CDC123: variants seen among roughly 807,000 people sequenced by gnomAD.
CDC123 encodes the protein translation initiation factor eIF2 assembly protein.
In CDC123, 37 loss-of-function variants were observed where a neutral mutation model predicts 54.4. The observed-to-expected ratio is 0.68, with a 90% confidence interval of 0.52 to 0.89. The LOEUF is 0.89. Among genes scored for constraint, CDC123 ranks in the 40% least tolerant of loss-of-function variants. The pLI is 0.00. For missense variants in CDC123, 361 were observed against 412.1 expected, an observed-to-expected ratio of 0.88 and a Z score of 1.07; for synonymous variants, 144 against 136.8, an observed-to-expected ratio of 1.05 and a Z score of -0.37.
intron 3 of CDC123, 112 bp from the exon 4 acceptor site, chr10:12,210,178 C>T: frequency 6.8e-7 from 1 of 1,460,992 alleles, no homozygotes; most frequent in Non-Finnish European, 9.4e-7. Flanking sequence ...ATGCTGTATT[C>T]CGGAAAAGAT....
intron 6 of CDC123, among the ~76,000 whole-genome samples, chr10:12,230,578 G>A (rs147106399): frequency 0.017 from 2,551 of 152,264 alleles, 40 homozygotes; most frequent in Non-Finnish European, 0.021. Context: ...ACTCAAACAT[G>A]TATCCATCCT....
chr10:12,229,622 G>T (rs193186067), intron 6 of CDC123, among the ~76,000 whole-genome samples: 2 of 152,310 alleles, frequency 1.3e-5, no homozygotes, highest in East Asian at 3.9e-4. Context: ...TTTTTCTCTA[G>T]TGTTTTTAAA....
At chr10:12,208,833 G>A (rs935018482) in intron 2 of CDC123, among the ~76,000 whole-genome samples, 3 of 152,100 alleles carry the variant, frequency 2.0e-5, no homozygotes, top group African/African-American at 7.2e-5. Flanking sequence ...TGCACACCTC[G>A]CTTTGCTTCT....
intron 7 of CDC123, among the ~76,000 whole-genome samples, chr10:12,231,246 C>T (rs1434221960): frequency 6.6e-6 from 1 of 152,172 alleles, no homozygotes; most frequent in Non-Finnish European, 1.5e-5. Flanking sequence ...ATAGAACAAA[C>T]ACCTTTATAC....
At chr10:12,235,433 A>G (rs1057300978) in intron 8 of CDC123, among the ~76,000 whole-genome samples, 3 of 152,210 alleles carry the variant, frequency 2.0e-5, no homozygotes, top group African/African-American at 7.2e-5. Context: ...GAATTTTCCT[A>G]AGCAGTACTT....
chr10:12,221,380 A>G (rs1021595026), intron 6 of CDC123, among the ~76,000 whole-genome samples: 2 of 152,200 alleles, frequency 1.3e-5, no homozygotes, highest in Admixed American at 6.5e-5. Flanking sequence ...TACAGTTCCA[A>G]GTATCTGTCA....
rs770187853 is a variant in CDC123 at position 12,250,454 on chromosome 10, C to T, written c.*117C>T. On this transcript the variant is annotated 3_prime_UTR_variant, in exon 13 of 13. Coordinates refer to ENST00000281141, the MANE Select transcript of CDC123 (RefSeq NM_006023.3). ...TGGGCCGAGCAGTGTGGACATCAGC[C>T]ACTTTTTATATTCATGTACATTCAC... The T allele has an allele frequency of 1.3e-5, 10 of 793,558 alleles. No homozygotes were observed. The highest frequency in any genetic ancestry group is 7.5e-5 in the East Asian group (3 of 40,254). 49.2% of individuals were successfully genotyped at this position (793,558 alleles called of 1,614,324 possible). A position where few individuals can be genotyped will look rare whatever the true frequency, so the allele number is the denominator to read the frequency against.
chr10:12,239,189 A>G (rs1258533781), intron 10 of CDC123, among the ~76,000 whole-genome samples: 5 of 151,758 alleles, frequency 3.3e-5, no homozygotes, highest in African/African-American at 7.3e-5. Context: ...CACATCAACT[A>G]AGGTGATTGA....
intron 10 of CDC123, among the ~76,000 whole-genome samples, chr10:12,240,064 A>G (rs1219818328): frequency 1.3e-5 from 2 of 152,070 alleles, no homozygotes; most frequent in African/African-American, 4.8e-5. Context: ...AAGTGACTCA[A>G]AGTTTGAGTT....
At chr10:12,249,325 C>G (rs1836206238) in intron 11 of CDC123, among the ~76,000 whole-genome samples, 1 of 152,116 alleles carries the variant, frequency 6.6e-6, no homozygotes, top group South Asian at 2.1e-4. Flanking sequence ...ATAGTCCCAG[C>G]TACTTGGGAG....
intron 6 of CDC123, 130 bp from the exon 7 acceptor site, chr10:12,230,818 T>C: frequency 3.6e-6 from 3 of 823,798 alleles, no homozygotes; most frequent in Non-Finnish European, 5.9e-6. Context: ...GTTCGTCGAA[T>C]TTGAGTTAGT....
At chr10:12,249,026 A>G (rs139771528) in intron 11 of CDC123, among the ~76,000 whole-genome samples, 4,510 of 151,274 alleles carry the variant, frequency 0.03, 185 homozygotes, top group South Asian at 0.098. Flanking sequence ...TGGGAGAATC[A>G]CTTGAACCTG....
In CDC123 at chr10:12,215,752, C is replaced by T. The variant is rs938691051; in HGVS notation, c.250C>T (p.Pro84Ser). 28 of 1,608,932 alleles carry T rather than the reference C, an allele frequency of 1.7e-5. No homozygotes were observed. The highest frequency in any genetic ancestry group is 3.4e-5 in the Admixed American group (2 of 59,034). Residue 84 changes from proline to serine, a missense_variant, in exon 5 of 13, where the codon CCT becomes TCT. Physicochemically the swap from Pro to Ser is moderately conservative, Grantham distance 74. Transcript: ENST00000281141. ...NTATLTAPEF[P>S]EFATKVQEAI... Reference sequence around the variant, plus strand: ...TCTCTCTCTGTAGGCACCAGAATTTCCTGAGTTTGCCACTAAAGTCCAGGA... The same window carrying T: ...TCTCTCTCTGTAGGCACCAGAATTTTCTGAGTTTGCCACTAAAGTCCAGGA...
chr10:12,218,247 C>CTTTTTTTTTTTT (rs34125393), intron 6 of CDC123, among the ~76,000 whole-genome samples: 9 of 119,212 alleles, frequency 7.5e-5, no homozygotes, highest in Admixed American at 9.1e-5. Context: ...CTTTTTTTTT[C>CTTTTTTTTTTTT]TTTTTTTTTT....
At chr10:12,240,431 C>T (rs536842668) in intron 10 of CDC123, among the ~76,000 whole-genome samples, 2 of 152,304 alleles carry the variant, frequency 1.3e-5, no homozygotes, top group African/African-American at 2.4e-5. Context: ...TGGACATCTT[C>T]GAATCATCTT....
At chr10:12,239,989 C>T (rs1006562928) in intron 10 of CDC123, among the ~76,000 whole-genome samples, 5 of 129,830 alleles carry the variant, frequency 3.9e-5, no homozygotes, top group African/African-American at 1.5e-4. Context: ...GCCTGGGCTA[C>T]AGAGCGAGAC....
Position 12,246,237 on chromosome 10 carries a change from A to G in CDC123, c.806A>G (p.Asn269Ser), listed in dbSNP as rs200396218. The change falls in exon 11 of 13, where the codon AAC becomes AGC. Residue 269 changes from asparagine (N) to serine (S), a missense_variant. Coordinates refer to ENST00000281141, the MANE Select transcript of CDC123 (RefSeq NM_006023.3). Reference sequence around the variant, plus strand: ...TGGGAAGAACTGATATCTGAGAACAACTTAAACGGCGATTTTAGTGAAGTT... The same window carrying G: ...TGGGAAGAACTGATATCTGAGAACAGCTTAAACGGCGATTTTAGTGAAGTT... ...FTWEELISEN[N>S]LNGDFSEVDA... 420 of 1,614,186 alleles carry G rather than the reference A, an allele frequency of 2.6e-4. 5 individuals carry two copies. The South Asian group carries it at 4.0e-3, about 15-fold the overall frequency.
Position 12,229,500 on chromosome 10 carries a change from C to T in CDC123, c.441-1448C>T, listed in dbSNP as rs906734847. ...GCTCTGTGAGATCTCTCACTGCCCT[C>T]CCTGCCTTAGCACGTTTCTCCGTGC... On this transcript the variant is annotated intron_variant, in intron 6 of 12. Transcript: ENST00000281141. Among the ~76,000 whole-genome samples, 14 of 152,346 alleles carry T rather than the reference C, an allele frequency of 9.2e-5. No individual in the cohort carries two copies. The South Asian group carries it at 2.9e-3, about 32-fold the overall frequency.
At chr10:12,225,746 C>CTTTTTTT (rs60404885) in intron 6 of CDC123, among the ~76,000 whole-genome samples, 12 of 66,954 alleles carry the variant, frequency 1.8e-4, no homozygotes, top group Admixed American at 4.5e-4. Context: ...TAGCTTCTCT[C>CTTTTTTT]TTTTTTTTTT....
Sources: allele counts gnomAD v4.1 joint callset (sites outside exome capture counted in the v4.1 genomes callset), GRCh38; gene constraint gnomAD v4.1.1; transcripts MANE v1.5; gene names NCBI Gene and HGNC (gene_info 2026-07-23, HGNC 2026-07-21).